CSMD1: variants seen among roughly 807,000 people sequenced by gnomAD.
The protein encoded by CSMD1 is CUB and Sushi multiple domains 1, also known as CUB and sushi domain-containing protein 1.
Under a neutral mutation model 417.5 loss-of-function variants are expected in CSMD1, and 213 were observed. That is an observed-to-expected ratio of 0.51 (90% CI 0.46 to 0.57). The LOEUF (loss-of-function observed/expected upper bound fraction) is 0.57. Among genes scored for constraint, CSMD1 ranks in the 20% least tolerant of loss-of-function variants. The probability of loss-of-function intolerance (pLI) is 0.00; values close to 1 mark genes in which losing one functional copy is unlikely to be tolerated. For missense variants in CSMD1, 6,923 were observed against 4,529.7 expected, an observed-to-expected ratio of 1.53 and a Z score of -15.17; for synonymous variants, 2,862 against 1,736.8, an observed-to-expected ratio of 1.65 and a Z score of -16.11.
chr8:4,743,844 G>T (rs1318073553), intron 1 of CSMD1, among the ~76,000 whole-genome samples: 1 of 152,074 alleles, frequency 6.6e-6, no homozygotes, highest in Non-Finnish European at 1.5e-5. Flanking sequence ...GCTTCTTGCG[G>T]TCCACTTTTC....
chr8:3,605,785 ACT>A (rs1801583205), intron 8 of CSMD1, among the ~76,000 whole-genome samples: 1 of 152,120 alleles, frequency 6.6e-6, no homozygotes, highest in Non-Finnish European at 1.5e-5. Context: ...CATAAATAGC[ACT>A]CTTTCAACCC....
At chr8:4,149,073 C>G (rs775974279) in intron 3 of CSMD1, among the ~76,000 whole-genome samples, 2 of 151,926 alleles carry the variant, frequency 1.3e-5, no homozygotes, top group Non-Finnish European at 1.5e-5. Flanking sequence ...AAGCGATTCT[C>G]CTGCCTCAGC....
intron 2 of CSMD1, among the ~76,000 whole-genome samples, chr8:4,606,642 G>A (rs1800884403): frequency 6.6e-6 from 1 of 152,124 alleles, no homozygotes; most frequent in Admixed American, 6.5e-5. Flanking sequence ...GCTTAAGATT[G>A]CAGTCAACCA....
chr8:4,145,203 T>C (rs1804036494), intron 3 of CSMD1, among the ~76,000 whole-genome samples: 1 of 151,166 alleles, frequency 6.6e-6, no homozygotes, highest in Middle Eastern at 3.4e-3. Context: ...CGTGTTTATA[T>C]TGAGTACAGA....
At chr8:3,126,790 C>G (rs1215858662) in intron 41 of CSMD1, among the ~76,000 whole-genome samples, 1 of 152,178 alleles carries the variant, frequency 6.6e-6, no homozygotes, top group Non-Finnish European at 1.5e-5. Flanking sequence ...CAAAAGTTGT[C>G]AGAGTTTTGG....
intron 1 of CSMD1, among the ~76,000 whole-genome samples, chr8:4,689,718 A>G (rs1233348206): frequency 6.6e-6 from 1 of 152,148 alleles, no homozygotes; most frequent in African/African-American, 2.4e-5. Context: ...TGAACTGCAG[A>G]TCGTCTTTGG....
intron 51 of CSMD1, among the ~76,000 whole-genome samples, chr8:3,020,664 T>C (rs762164419): frequency 5.9e-5 from 9 of 152,162 alleles, no homozygotes; most frequent in Non-Finnish European, 1.2e-4. Context: ...AATTAAGCTG[T>C]CTTTACTCCA....
intron 6 of CSMD1, among the ~76,000 whole-genome samples, chr8:3,718,495 T>C (rs80104569): frequency 6.6e-6 from 1 of 152,206 alleles, no homozygotes; most frequent in Non-Finnish European, 1.5e-5. Flanking sequence ...GGTACTTACT[T>C]ACAATGTGAA....
intron 2 of CSMD1, among the ~76,000 whole-genome samples, chr8:4,610,600 G>A (rs1342117760): frequency 6.6e-6 from 1 of 152,088 alleles, no homozygotes; most frequent in Non-Finnish European, 1.5e-5. Flanking sequence ...GTAAATATCT[G>A]ATGGCTGAGT....
intron 2 of CSMD1, among the ~76,000 whole-genome samples, chr8:4,622,470 C>G (rs12335289): frequency 0.1 from 15,768 of 152,112 alleles, 1,373 homozygotes; most frequent in East Asian, 0.23. Flanking sequence ...ACAATGCTGA[C>G]TGGCACATAA....
chr8:4,503,164 A>G (rs939314045), intron 2 of CSMD1, among the ~76,000 whole-genome samples: 2 of 152,216 alleles, frequency 1.3e-5, no homozygotes, highest in Admixed American at 1.3e-4. Context: ...CTTTTAATAT[A>G]TAGTCTCTCT....
At chr8:3,913,415 G>C (rs922356109) in intron 5 of CSMD1, among the ~76,000 whole-genome samples, 1 of 152,044 alleles carries the variant, frequency 6.6e-6, no homozygotes, top group African/African-American at 2.4e-5. Flanking sequence ...CAAACCACTG[G>C]GATGTGTCCC....
chr8:4,530,472 G>A (rs1418949765), intron 2 of CSMD1, among the ~76,000 whole-genome samples: 1 of 151,330 alleles, frequency 6.6e-6, no homozygotes, highest in South Asian at 2.1e-4. Context: ...TTAGGTATTT[G>A]TCCTAACACT....
intron 3 of CSMD1, among the ~76,000 whole-genome samples, chr8:4,097,902 T>C (rs914385058): frequency 6.6e-6 from 1 of 152,148 alleles, no homozygotes; most frequent in Non-Finnish European, 1.5e-5. Flanking sequence ...AGCTGAACAT[T>C]TGGAAGAAAA....
chr8:4,720,921 C>G (rs934356917), intron 1 of CSMD1, among the ~76,000 whole-genome samples: 2 of 152,166 alleles, frequency 1.3e-5, no homozygotes, highest in East Asian at 3.9e-4. Context: ...AACATCTTAA[C>G]TTTCGTGAAT....
intron 4 of CSMD1, among the ~76,000 whole-genome samples, chr8:3,998,452 A>G (rs1563300997): frequency 1.3e-5 from 2 of 152,332 alleles, no homozygotes; most frequent in South Asian, 2.1e-4. Flanking sequence ...AGATGACACT[A>G]TGTAAGCAAC....
intron 26 of CSMD1, among the ~76,000 whole-genome samples, chr8:3,247,408 C>G (rs1799953024): frequency 6.6e-6 from 1 of 152,184 alleles, no homozygotes; most frequent in Admixed American, 6.5e-5. Context: ...CCTCTGCTGA[C>G]TTCTCTTATT....
At chr8:4,404,293 T>C (rs1384641628) in intron 3 of CSMD1, among the ~76,000 whole-genome samples, 1 of 152,196 alleles carries the variant, frequency 6.6e-6, no homozygotes, top group Non-Finnish European at 1.5e-5. Context: ...ATATGCTGTA[T>C]ATTTCAATCA....
chr8:4,164,617 G>C (rs1584940787), intron 3 of CSMD1, among the ~76,000 whole-genome samples: 1 of 151,986 alleles, frequency 6.6e-6, no homozygotes, highest in African/African-American at 2.4e-5. Flanking sequence ...GTACCTTATT[G>C]GTTTACATAC....
Sources: gnomAD v4.1 joint callset for allele counts (sites outside exome capture counted in the v4.1 genomes callset) on GRCh38, gnomAD v4.1.1 for gene constraint, MANE v1.5 for transcripts, NCBI Gene and HGNC (gene_info 2026-07-23, HGNC 2026-07-21) for gene names.